Variants in REV3L observed in about 807,000 individuals in gnomAD.
The protein encoded by REV3L is DNA polymerase zeta catalytic subunit.
In REV3L, 69 loss-of-function variants were observed where a neutral mutation model predicts 299.4. That is an observed-to-expected ratio of 0.23 (90% CI 0.19 to 0.28). REV3L has a LOEUF of 0.28. Ranked by LOEUF, REV3L falls within the 10% of genes least tolerant of loss-of-function variation. REV3L has a pLI of 1.00. For synonymous variants in REV3L, 1,238 were observed against 1,271.4 expected (o/e 0.97, Z 0.56); for missense variants, 3,128 against 3,693.8 (o/e 0.85, Z 3.97).
chr6:111,393,670 T>C (rs1320171822), intron 4 of REV3L, among the ~76,000 whole-genome samples: 1 of 152,118 alleles, frequency 6.6e-6, no homozygotes, highest in Non-Finnish European at 1.5e-5. Context: ...CCATACACCC[T>C]TCCCAGCCTC....
chr6:111,381,759 A>G (rs1780850895), intron 9 of REV3L, among the ~76,000 whole-genome samples: 1 of 152,200 alleles, frequency 6.6e-6, no homozygotes, highest in African/African-American at 2.4e-5. Context: ...AAAAGGAAAG[A>G]TAAACTATCT....
intron 1 of REV3L, among the ~76,000 whole-genome samples, chr6:111,432,028 T>C (rs926829024): frequency 2.0e-5 from 3 of 152,182 alleles, no homozygotes; most frequent in African/African-American, 7.2e-5. Flanking sequence ...TGTAGTCTCA[T>C]GGTTACCACA....
In REV3L at chr6:111,349,224, T is replaced by G. The variant is rs964846845; in HGVS notation, c.7413A>C (p.Arg2471Ser). 13 of 1,522,776 alleles carry G rather than the reference T, an allele frequency of 8.5e-6. No homozygotes were observed. The highest frequency in any genetic ancestry group is 1.2e-5 in the Non-Finnish European group (13 of 1,099,106). The allele number at this position is 1,522,776 out of a possible 1,614,324, so 94.3% of individuals were successfully genotyped here. A position where few individuals can be genotyped will look rare whatever the true frequency, so the allele number is the denominator to read the frequency against. Residue 2471 changes from arginine to serine, a missense_variant, in exon 20 of 32, where the codon AGA becomes AGC. Arg to Ser is a moderately radical substitution (Grantham distance 110). Coordinates refer to ENST00000368802, the MANE Select transcript of REV3L (RefSeq NM_001372078.1). ...RITLNLWRIM[R>S]NEVALTNYTF... is the part of the protein sequence containing the mutation. ...TTTTGGATAAATCACCCACCTCATT[T>G]CTCATGATTCTCCAAAGATTTAGTG...
At chr6:111,471,753 G>A (rs1247524060) in intron 1 of REV3L, among the ~76,000 whole-genome samples, 2 of 152,190 alleles carry the variant, frequency 1.3e-5, no homozygotes, top group Admixed American at 6.5e-5. Context: ...GCCCATGAAG[G>A]TAGTGCCACA....
chr6:111,366,338 A>G (rs1030103475), intron 14 of REV3L, among the ~76,000 whole-genome samples: 3 of 152,168 alleles, frequency 2.0e-5, no homozygotes, highest in African/African-American at 7.2e-5. Flanking sequence ...AGAGATCTGA[A>G]CTGGGAATAT....
Position 111,420,394 on chromosome 6 carries a change from C to T in REV3L, c.140-3922G>A, listed in dbSNP as rs558527881. Among the ~76,000 whole-genome samples the T allele has an allele frequency of 4.6e-5, 7 of 152,198 alleles. No individual in the cohort carries two copies. The South Asian group carries it at 1.0e-3, about 23-fold the overall frequency. On this transcript the variant is annotated intron_variant, in intron 1 of 31. Transcript: ENST00000368802. ...GAGCATTTAAAATCTAATCTCTTAG[C>T]GATTTTCAAGTATATAATACATTAT...
chr6:111,414,729 T>A (rs533523770), intron 2 of REV3L, among the ~76,000 whole-genome samples: 39 of 152,212 alleles, frequency 2.6e-4, no homozygotes, highest in African/African-American at 8.9e-4. Flanking sequence ...CTACCTTCCG[T>A]CTTCCTAGCA....
At chr6:111,344,516 TAC>T (rs1776838077) in intron 20 of REV3L, among the ~76,000 whole-genome samples, 1 of 152,138 alleles carries the variant, frequency 6.6e-6, no homozygotes, top group African/African-American at 2.4e-5. Flanking sequence ...TAGACCCCAC[TAC>T]ACAGACATTA....
intron 25 of REV3L, among the ~76,000 whole-genome samples, chr6:111,327,130 C>T (rs1039073202): frequency 6.6e-6 from 1 of 152,158 alleles, no homozygotes; most frequent in African/African-American, 2.4e-5. Context: ...AAAAATCCTA[C>T]CAAATTCTGG....
Position 111,431,058 on chromosome 6 carries a change from G to A in REV3L, c.140-14586C>T, listed in dbSNP as rs187515472. 110 of 1,516,974 alleles carry A rather than the reference G, an allele frequency of 7.3e-5. 1 individual carries two copies. The African/African-American group carries it at 1.2e-3, about 17-fold the overall frequency. The allele number at this position is 1,516,974 out of a possible 1,614,324, so 94.0% of individuals were successfully genotyped here. On this transcript the variant is annotated intron_variant, in intron 1 of 31. Coordinates refer to ENST00000368802, the MANE Select transcript of REV3L (RefSeq NM_001372078.1). ...ATGGGCCCTACAGTTCTTATGCACCGCATTATGACTCCACATATGCAAATA... is the reference window on the plus strand; with the variant it reads ...ATGGGCCCTACAGTTCTTATGCACCACATTATGACTCCACATATGCAAATA...
chr6:111,332,756 A>T (rs1304870710), intron 23 of REV3L, among the ~76,000 whole-genome samples: 1 of 152,164 alleles, frequency 6.6e-6, no homozygotes, highest in Non-Finnish European at 1.5e-5. Context: ...TATAAGAAAA[A>T]TAAAGAGGAG....
At position 111,307,394 on chromosome 6, in the gene REV3L, C is replaced by T. The variant is rs3204954; in HGVS notation, c.9219G>A (p.Arg3073=). 1 of 1,613,376 alleles carries T rather than the reference C, an allele frequency of 6.2e-7. No individual in the cohort carries two copies. Among genetic ancestry groups the T allele is most frequent in the Non-Finnish European group, 8.5e-7 (1 of 1,179,474 alleles). Residue 3073 remains arginine, a synonymous_variant, in exon 31 of 32, where the codon CGG becomes CGA. Transcript: ENST00000368802. ...GTTGCTCCTGTTGACGTTCCAACTC[C>T]CGGATTTCTTGGTTGAGGATGACTG... ...HVAVILNQEI[R]ELERQQEQLV...
chr6:111,453,568 T>C (rs1325081232), intron 1 of REV3L, among the ~76,000 whole-genome samples: 1 of 152,236 alleles, frequency 6.6e-6, no homozygotes. Context: ...CACAATGCCA[T>C]ACTGCCTCTC....
At chr6:111,480,460 T>G (rs1793482988) in intron 1 of REV3L, among the ~76,000 whole-genome samples, 1 of 152,156 alleles carries the variant, frequency 6.6e-6, no homozygotes, top group African/African-American at 2.4e-5. Flanking sequence ...TAGTTTTCCT[T>G]GGGGAGATAA....
chr6:111,476,790 T>C (rs1792994487), intron 1 of REV3L, among the ~76,000 whole-genome samples: 1 of 152,252 alleles, frequency 6.6e-6, no homozygotes, highest in Non-Finnish European at 1.5e-5. Flanking sequence ...ATGGAATTTA[T>C]ATAATTAAGT....
At chr6:111,333,078 G>C in intron 23 of REV3L, 45 bp downstream of exon 23, 1 of 1,600,418 alleles carries the variant, frequency 6.2e-7, no homozygotes, top group Non-Finnish European at 8.5e-7. Context: ...TTAGTAAGAA[G>C]TACAAAGCAC....
intron 1 of REV3L, chr6:111,471,929 G>T: frequency 1.4e-6 from 1 of 711,374 alleles, no homozygotes; most frequent in Non-Finnish European, 1.9e-6. Context: ...TTAGTTAAGG[G>T]TGAGTAGGAT....
chr6:111,388,589 A>G (rs1384854138), intron 7 of REV3L, among the ~76,000 whole-genome samples: 1 of 152,170 alleles, frequency 6.6e-6, no homozygotes, highest in African/African-American at 2.4e-5. Flanking sequence ...GGTATTATCT[A>G]AACCCCCTCG....
At chr6:111,423,442 A>G (rs560377686) in intron 1 of REV3L, among the ~76,000 whole-genome samples, 2 of 152,264 alleles carry the variant, frequency 1.3e-5, no homozygotes, top group South Asian at 2.1e-4. Flanking sequence ...GGAACAGGAA[A>G]AGTGTAGGTG....
Sources: allele counts gnomAD v4.1 joint callset (sites outside exome capture counted in the v4.1 genomes callset), GRCh38; gene constraint gnomAD v4.1.1; transcripts MANE v1.5; gene names NCBI Gene and HGNC (gene_info 2026-07-23, HGNC 2026-07-21).